The following FUT8 variants were observed in gnomAD, a reference collection of about 807,000 sequenced individuals.
FUT8 encodes alpha-(1,6)-fucosyltransferase.
A neutral mutation model predicts 71.3 loss-of-function variants in FUT8; 29 were observed. The observed-to-expected ratio is 0.41, with a 90% CI of 0.30 to 0.55. The LOEUF is 0.55. Among genes scored for constraint, FUT8 ranks in the 20% least tolerant of loss-of-function variants. The pLI is 0.34. For synonymous variants in FUT8, 254 were observed against 239.3 expected (o/e 1.06, Z -0.57); for missense variants, 544 against 702.1 (o/e 0.77, Z 2.55).
At chr14:65,460,600 C>T (rs897808004) in intron 2 of FUT8, among the ~76,000 whole-genome samples, 2 of 152,116 alleles carry the variant, frequency 1.3e-5, no homozygotes, top group African/African-American at 4.8e-5. Flanking sequence ...AGTGTCATAA[C>T]TTCTGCCAGG....
chr14:65,671,490 A>G (rs1213400622), intron 7 of FUT8, among the ~76,000 whole-genome samples: 1 of 152,198 alleles, frequency 6.6e-6, no homozygotes, highest in Non-Finnish European at 1.5e-5. Flanking sequence ...AGGGTCATAC[A>G]GCTTATAAAT....
At chr14:65,383,772 G>T in the FUT8 span, among the ~76,000 whole-genome samples, 3 of 152,182 alleles carry the variant, frequency 2.0e-5, no homozygotes, top group Non-Finnish European at 2.9e-5. Flanking sequence ...AACTCAGATG[G>T]TTCAAATGAA....
chr14:65,449,638 A>AT (rs113103928), intron 1 of FUT8, among the ~76,000 whole-genome samples: 14 of 152,284 alleles, frequency 9.2e-5, no homozygotes, highest in African/African-American at 3.4e-4. Context: ...GCCTTACTGC[A>AT]TTTTTATCTT....
intron 3 of FUT8, among the ~76,000 whole-genome samples, chr14:65,581,130 T>C (rs1887069239): frequency 6.6e-6 from 1 of 152,078 alleles, no homozygotes; most frequent in South Asian, 2.1e-4. Flanking sequence ...TTTGATGATG[T>C]AATAGTTAAT....
chr14:65,568,229 T>A lies in FUT8; in HGVS notation c.203+6463T>A, dbSNP rs1594775880. 2.0e-5 allele frequency among the ~76,000 whole-genome samples: 3 copies of A among 151,796 alleles called. No individual in the cohort carries two copies. In the East Asian group the frequency reaches 5.8e-4, roughly 29 times the overall value. The stretch of plus-strand genomic sequence containing the variant: ...AAAATTGTTCTTAGTGCCATTTTAT[T>A]TTCTTCTCCATACTTGTATATCTAT... On this transcript the variant is annotated intron_variant, in intron 3 of 10. Transcript: ENST00000673929.
chr14:65,445,016 CA>C (rs1205389451), intron 1 of FUT8, among the ~76,000 whole-genome samples: 1 of 151,910 alleles, frequency 6.6e-6, no homozygotes, highest in African/African-American at 2.4e-5. Context: ...TCAACCAGGC[CA>C]AGATGGTGAA....
intron 2 of FUT8, among the ~76,000 whole-genome samples, chr14:65,501,425 G>A (rs966971089): frequency 1.3e-5 from 2 of 152,146 alleles, no homozygotes; most frequent in Non-Finnish European, 2.9e-5. Flanking sequence ...AACCTCTGGA[G>A]GGGGTACTTC....
chr14:65,555,843 T>C (rs1019821484), intron 2 of FUT8, among the ~76,000 whole-genome samples: 1 of 152,258 alleles, frequency 6.6e-6, no homozygotes, highest in African/African-American at 2.4e-5. Flanking sequence ...GTTTAGCAGC[T>C]ATTAATAAAT....
intron 3 of FUT8, among the ~76,000 whole-genome samples, chr14:65,599,849 C>T (rs1888204982): frequency 6.6e-6 from 1 of 152,182 alleles, no homozygotes; most frequent in Admixed American, 6.5e-5. Context: ...AAGAGATTTA[C>T]AATAATCGTT....
In FUT8 at chr14:65,496,226, A is replaced by G. The variant is rs138075003; in HGVS notation, c.-228+40508A>G. Among the ~76,000 whole-genome samples, 750 of 152,244 alleles carry G rather than the reference A, an allele frequency of 4.9e-3. 8 individuals carry two copies. The highest frequency in any genetic ancestry group is 0.017 in the African/African-American group (714 of 41,536). ...TGATTTTGGAATAGATTCCTTTAAC[A>G]TATTTTCAGTCATATTCCTTTTAGA... On this transcript the variant is annotated intron_variant, in intron 2 of 10. Transcript: ENST00000673929.
intron 7 of FUT8, among the ~76,000 whole-genome samples, chr14:65,708,714 A>G (rs1324016518): frequency 6.6e-6 from 1 of 152,146 alleles, no homozygotes; most frequent in Non-Finnish European, 1.5e-5. Context: ...GAATTTGTTC[A>G]TTAGTTCTGA....
the FUT8 span, among the ~76,000 whole-genome samples, chr14:65,405,539 C>T: frequency 6.6e-6 from 1 of 151,954 alleles, no homozygotes; most frequent in Non-Finnish European, 1.5e-5. Context: ...ATTTTTTTTA[C>T]TTTATGATAA....
chr14:65,602,402 C>G (rs1287185175), intron 3 of FUT8, among the ~76,000 whole-genome samples: 4 of 133,832 alleles, frequency 3.0e-5, no homozygotes, highest in East Asian at 2.1e-4. Context: ...CACACACACA[C>G]AGTTTCTTTA....
At chr14:65,727,154 T>C (rs1430679614) in intron 9 of FUT8, among the ~76,000 whole-genome samples, 1 of 152,116 alleles carries the variant, frequency 6.6e-6, no homozygotes, top group African/African-American at 2.4e-5. Context: ...TCCAGGTGCA[T>C]GGTGCAAGCT....
At chr14:65,633,755 T>C (rs576637698) in intron 6 of FUT8, among the ~76,000 whole-genome samples, 3 of 150,728 alleles carry the variant, frequency 2.0e-5, no homozygotes, top group Admixed American at 6.6e-5. Context: ...AGCCGCCCCG[T>C]CTGAGAAGTG....
chr14:65,361,459 C>A, the FUT8 span, among the ~76,000 whole-genome samples: 3 of 148,260 alleles, frequency 2.0e-5, no homozygotes, highest in Non-Finnish European at 4.4e-5. Context: ...GGGCACTAAC[C>A]TTACTGACTC....
chr14:65,697,346 A>C (rs779505918), intron 7 of FUT8, among the ~76,000 whole-genome samples: 3 of 152,102 alleles, frequency 2.0e-5, no homozygotes, highest in Non-Finnish European at 4.4e-5. Context: ...CTTATTGTTC[A>C]TCAGTCTTAT....
At chr14:65,484,705 A>G (rs1265798201) in intron 2 of FUT8, among the ~76,000 whole-genome samples, 1 of 152,056 alleles carries the variant, frequency 6.6e-6, no homozygotes. Flanking sequence ...AATATGGTGG[A>G]TTACATTGCT....
At chr14:65,484,358 T>C (rs1366693262) in intron 2 of FUT8, among the ~76,000 whole-genome samples, 2 of 152,182 alleles carry the variant, frequency 1.3e-5, no homozygotes, top group African/African-American at 4.8e-5. Context: ...CACAATTAAG[T>C]ATGATGTTGT....
Sources: gnomAD v4.1 joint callset for allele counts (sites outside exome capture counted in the v4.1 genomes callset) on GRCh38, gnomAD v4.1.1 for gene constraint, MANE v1.5 for transcripts, NCBI Gene and HGNC (gene_info 2026-07-23, HGNC 2026-07-21) for gene names.